ZNF354A: variants seen among roughly 807,000 people sequenced by gnomAD.
ZNF354A encodes the protein epididymis luminal protein 104.
ZNF354A carries 25 observed loss-of-function variants against 53.3 expected under a neutral mutation model. The ratio of observed to expected loss-of-function variants is 0.47; its 90% CI spans 0.34 to 0.66. ZNF354A has a LOEUF of 0.66. ZNF354A is among the 30% of genes least tolerant of loss of function. ZNF354A has a pLI of 0.01. For missense variants in ZNF354A, 586 were observed against 716.8 expected, an observed-to-expected ratio of 0.82 and a Z score of 2.08; for synonymous variants, 228 against 249.0, an observed-to-expected ratio of 0.92 and a Z score of 0.79.
chr5:178,711,820 T>C lies in ZNF354A; in HGVS notation c.*240A>G. ...AAAGCAAACCCATTTCACAAATGGCTAAAGTCAATGTCTTCAATTGTAAAT... is the reference window on the plus strand; with the variant it reads ...AAAGCAAACCCATTTCACAAATGGCCAAAGTCAATGTCTTCAATTGTAAAT... On this transcript the variant is annotated 3_prime_UTR_variant, in exon 5 of 5. Coordinates refer to ENST00000335815, the MANE Select transcript of ZNF354A (RefSeq NM_005649.3). 2.4e-6 allele frequency: 1 copy of C among 414,786 alleles called. No homozygotes were observed. Among genetic ancestry groups the C allele is most frequent in the East Asian group, 4.0e-5 (1 of 24,726 alleles). 25.7% of individuals were successfully genotyped at this position (414,786 alleles called of 1,614,324 possible). A position where few individuals can be genotyped will look rare whatever the true frequency, so the allele number is the denominator to read the frequency against.
At chr5:178,722,787 C>G (rs370988619) in intron 4 of ZNF354A, among the ~76,000 whole-genome samples, 2 of 152,214 alleles carry the variant, frequency 1.3e-5, no homozygotes, top group East Asian at 3.9e-4. Flanking sequence ...CATGAAGAAA[C>G]AGATCTATTA....
intron 2 of ZNF354A, among the ~76,000 whole-genome samples, 175 bp downstream of exon 2, chr5:178,728,815 A>C (rs1581751554): frequency 4.9e-5 from 6 of 122,268 alleles, no homozygotes; most frequent in East Asian, 5.5e-4. Flanking sequence ...ACCACTAGAC[A>C]CGGGTGGGGA....
intron 4 of ZNF354A, among the ~76,000 whole-genome samples, chr5:178,715,898 TG>T (rs1368670854): frequency 3.9e-5 from 1 of 25,594 alleles, no homozygotes; most frequent in Non-Finnish European, 6.7e-5. Flanking sequence ...ATAATCTCTG[TG>T]GTTTTTTTTT....
chr5:178,726,033 A>G (rs911259986), intron 3 of ZNF354A: 44 of 360,878 alleles, frequency 1.2e-4, no homozygotes, highest in South Asian at 6.2e-4. Context: ...CAGTAGAGAC[A>G]GGGTTTCACC....
At position 178,713,211 on chromosome 5, in the gene ZNF354A, A is replaced by C; in HGVS notation, c.667T>G (p.Phe223Val). 6.2e-7 allele frequency: 1 copy of C among 1,614,144 alleles called. No homozygotes were observed. Among genetic ancestry groups the C allele is most frequent in the Non-Finnish European group, 8.5e-7 (1 of 1,180,020 alleles). Residue 223 changes from phenylalanine (F) to valine (V), a missense_variant, in exon 5 of 5, where the codon TTC becomes GTC. Phe to Val is a conservative substitution (Grantham distance 50, BLOSUM62 -1). Coordinates refer to ENST00000335815, the MANE Select transcript of ZNF354A (RefSeq NM_005649.3). Reference protein sequence around the residue: ...RYKCSLCEKTFINTSSLRKHE... With the variant: ...RYKCSLCEKTVINTSSLRKHE... ...TTACGAAGGGATGAAGTGTTAATGA[A>C]GGTTTTTTCACACAGACTACATTTA...
In ZNF354A at chr5:178,711,964, G is replaced by T; in HGVS notation, c.*96C>A. 1.4e-6 allele frequency: 2 copies of T among 1,447,362 alleles called. No homozygotes were observed. Among genetic ancestry groups the T allele is most frequent in the South Asian group, 3.0e-5 (2 of 67,670 alleles). The allele number at this position is 1,447,362 out of a possible 1,614,324, so 89.7% of individuals were successfully genotyped here. A position where few individuals can be genotyped will look rare whatever the true frequency, so the allele number is the denominator to read the frequency against. ...ACCTAATGAGGGCTAAATTATTACA[G>T]TTTTTTTCACATCCATTACATTTAT... is the stretch of plus-strand genomic sequence containing the variant. On this transcript the variant is annotated 3_prime_UTR_variant, in exon 5 of 5. Transcript: ENST00000335815.
At chr5:178,719,755 G>A (rs1056715959) in intron 4 of ZNF354A, among the ~76,000 whole-genome samples, 1 of 151,984 alleles carries the variant, frequency 6.6e-6, no homozygotes, top group African/African-American at 2.4e-5. Flanking sequence ...AGACCATCCC[G>A]GCTAAAACGG....
At chr5:178,727,995 T>A (rs1345600149) in intron 2 of ZNF354A, among the ~76,000 whole-genome samples, 1 of 152,136 alleles carries the variant, frequency 6.6e-6, no homozygotes, top group East Asian at 1.9e-4. Flanking sequence ...GGATTACAGG[T>A]GCTAGACACC....
intron 4 of ZNF354A, among the ~76,000 whole-genome samples, chr5:178,722,935 C>T (rs1256421703): frequency 7.9e-5 from 12 of 152,164 alleles, no homozygotes; most frequent in East Asian, 3.9e-4. Context: ...GCCACATGGA[C>T]GCATGACCGC....
At chr5:178,725,909 G>A (rs1184004428) in intron 3 of ZNF354A, among the ~76,000 whole-genome samples, 2 of 151,916 alleles carry the variant, frequency 1.3e-5, no homozygotes, top group East Asian at 3.9e-4. Flanking sequence ...GTGCAGTGGC[G>A]CAATCTTGGC....
At chr5:178,724,663 T>C (rs1373013754) in intron 4 of ZNF354A, among the ~76,000 whole-genome samples, 1 of 152,222 alleles carries the variant, frequency 6.6e-6, no homozygotes, top group Non-Finnish European at 1.5e-5. Context: ...CATGGACCCA[T>C]TCTCAATCCC....
chr5:178,729,445 C>T (rs527528838), intron 1 of ZNF354A: 298 of 173,324 alleles, frequency 1.7e-3, no homozygotes, highest in Non-Finnish European at 2.9e-3. Context: ...CGAGGCGGGC[C>T]GGGACTCCCA....
intron 4 of ZNF354A, among the ~76,000 whole-genome samples, chr5:178,720,133 TG>T (rs981959955): frequency 3.3e-5 from 5 of 152,286 alleles, no homozygotes; most frequent in Admixed American, 2.0e-4. Flanking sequence ...AATGTTGTTG[TG>T]GTAACTCTTA....
At chr5:178,726,170 G>A (rs967715590) in intron 3 of ZNF354A, 1 of 455,160 alleles carries the variant, frequency 2.2e-6, no homozygotes, top group Non-Finnish European at 4.4e-6. Context: ...GGATGGCAGT[G>A]ATCAGCAAAC....
intron 4 of ZNF354A, among the ~76,000 whole-genome samples, chr5:178,717,961 G>A (rs1015626958): frequency 6.6e-6 from 1 of 152,144 alleles, no homozygotes; most frequent in African/African-American, 2.4e-5. Flanking sequence ...GTGCATGGAG[G>A]AAACAATGGG....
intron 1 of ZNF354A, among the ~76,000 whole-genome samples, chr5:178,730,169 A>G (rs1196681236): frequency 1.3e-5 from 2 of 152,098 alleles, no homozygotes; most frequent in African/African-American, 4.8e-5. Context: ...CCGGCCAAAC[A>G]CCAGCTCTGA....
intron 4 of ZNF354A, among the ~76,000 whole-genome samples, chr5:178,715,299 A>C (rs1475178339): frequency 6.6e-6 from 1 of 152,118 alleles, no homozygotes; most frequent in African/African-American, 2.4e-5. Flanking sequence ...AACACAATAC[A>C]TCTTGCTTTT....
At chr5:178,724,540 A>C (rs1765869634) in intron 4 of ZNF354A, among the ~76,000 whole-genome samples, 1 of 152,110 alleles carries the variant, frequency 6.6e-6, no homozygotes, top group Non-Finnish European at 1.5e-5. Context: ...CCTCACTTTC[A>C]AACACGATGC....
chr5:178,714,285 A>G (rs1178799472), intron 4 of ZNF354A, among the ~76,000 whole-genome samples: 1 of 151,996 alleles, frequency 6.6e-6, no homozygotes, highest in Non-Finnish European at 1.5e-5. Context: ...GATTACAGGC[A>G]TGAGCCACTG....
Sources: allele counts gnomAD v4.1 joint callset (sites outside exome capture counted in the v4.1 genomes callset), GRCh38; gene constraint gnomAD v4.1.1; transcripts MANE v1.5; gene names NCBI Gene and HGNC (gene_info 2026-07-23, HGNC 2026-07-21).